CPHXL2: variants seen among roughly 807,000 people sequenced by gnomAD.
CPHXL2 encodes cytoplasmic polyadenylated homeobox-like protein 2.
chr16:75,676,928 T>G, the CPHXL2 span: 1 of 398,550 alleles, frequency 2.5e-6, no homozygotes, highest in Non-Finnish European at 4.4e-6. Context: ...AACCCTCATT[T>G]TCATGGAAAC....
At chr16:75,669,540 C>G in the CPHXL2 span, 1 of 398,538 alleles carries the variant, frequency 2.5e-6, no homozygotes, top group Admixed American at 4.4e-5. Flanking sequence ...TATGATGATC[C>G]TCTTCAGCTG....
At chr16:75,671,159 G>T in the CPHXL2 span, among the ~76,000 whole-genome samples, 1 of 152,184 alleles carries the variant, frequency 6.6e-6, no homozygotes, top group Non-Finnish European at 1.5e-5. Context: ...GAAGCCAGCA[G>T]ATAACTTGAG....
At chr16:75,671,566 CTA>C in the CPHXL2 span, among the ~76,000 whole-genome samples, 1 of 152,216 alleles carries the variant, frequency 6.6e-6, no homozygotes, top group South Asian at 2.1e-4. Flanking sequence ...GGCTTTTAGT[CTA>C]TCTTATTTAC....
the CPHXL2 span, among the ~76,000 whole-genome samples, chr16:75,664,957 G>C: frequency 6.6e-6 from 1 of 152,070 alleles, no homozygotes; most frequent in African/African-American, 2.4e-5. Context: ...CTAACTATAA[G>C]AAATAAATGT....
the CPHXL2 span, among the ~76,000 whole-genome samples, chr16:75,666,587 A>G: frequency 2.7e-5 from 4 of 147,350 alleles, no homozygotes; most frequent in Admixed American, 6.8e-5. Flanking sequence ...CAGCCTGGGC[A>G]ACAAGAGTGA....
the CPHXL2 span, among the ~76,000 whole-genome samples, chr16:75,666,681 A>G: frequency 1.3e-5 from 2 of 152,112 alleles, no homozygotes; most frequent in Non-Finnish European, 2.9e-5. Flanking sequence ...TCATCAAGAC[A>G]AAGTCAACAA....
the CPHXL2 span, among the ~76,000 whole-genome samples, chr16:75,668,737 C>T: frequency 6.6e-6 from 1 of 152,158 alleles, no homozygotes; most frequent in East Asian, 1.9e-4. Flanking sequence ...AGTTCTTATT[C>T]TGTATTGTTT....
At chr16:75,660,830 A>C in the CPHXL2 span, 1 of 398,522 alleles carries the variant, frequency 2.5e-6, no homozygotes. Context: ...TAGAATGCTC[A>C]CTTCCTGTGT....
the CPHXL2 span, among the ~76,000 whole-genome samples, chr16:75,666,158 A>T: frequency 2.0e-5 from 3 of 152,184 alleles, no homozygotes; most frequent in Non-Finnish European, 4.4e-5. Flanking sequence ...ACAAACTTTA[A>T]AGCAACAGCA....
chr16:75,671,810 G>A, the CPHXL2 span, among the ~76,000 whole-genome samples: 3 of 152,188 alleles, frequency 2.0e-5, no homozygotes, highest in Non-Finnish European at 4.4e-5. Context: ...CACTACGAAT[G>A]GAGTACAAAG....
At chr16:75,676,358 C>CT in the CPHXL2 span, among the ~76,000 whole-genome samples, 1 of 152,170 alleles carries the variant, frequency 6.6e-6, no homozygotes, top group Non-Finnish European at 1.5e-5. Context: ...AGGCCTCACT[C>CT]TGTCACCCAG....
At chr16:75,661,612 C>G in the CPHXL2 span, among the ~76,000 whole-genome samples, 1 of 151,972 alleles carries the variant, frequency 6.6e-6, no homozygotes, top group Non-Finnish European at 1.5e-5. Flanking sequence ...AGGCTCCCAG[C>G]TGTCCCACCT....
At chr16:75,662,796 C>CTTT in the CPHXL2 span, among the ~76,000 whole-genome samples, 32 of 123,140 alleles carry the variant, frequency 2.6e-4, no homozygotes, top group Non-Finnish European at 3.0e-4. Context: ...GGAGATAATT[C>CTTT]TTTTTTTTTT....
chr16:75,665,128 C>G, the CPHXL2 span, among the ~76,000 whole-genome samples: 1 of 152,116 alleles, frequency 6.6e-6, no homozygotes, highest in Non-Finnish European at 1.5e-5. Flanking sequence ...ATCACAAGCT[C>G]AAAGAACATC....
the CPHXL2 span, among the ~76,000 whole-genome samples, chr16:75,664,289 T>C: frequency 2.0e-5 from 3 of 152,184 alleles, no homozygotes; most frequent in Non-Finnish European, 4.4e-5. Flanking sequence ...GACAAAACTT[T>C]CTAAATTGAT....
At chr16:75,662,357 G>T in the CPHXL2 span, among the ~76,000 whole-genome samples, 21 of 143,552 alleles carry the variant, frequency 1.5e-4, no homozygotes, top group Middle Eastern at 0.011. Flanking sequence ...TTTTTTAACG[G>T]AGGCTTCATT....
chr16:75,661,285 A>G, the CPHXL2 span: 2 of 400,460 alleles, frequency 5.0e-6, no homozygotes, highest in East Asian at 7.1e-5. Flanking sequence ...TATCAAATCT[A>G]CTTCTCTGAT....
At chr16:75,663,746 C>T in the CPHXL2 span, among the ~76,000 whole-genome samples, 300 of 152,002 alleles carry the variant, frequency 2.0e-3, 1 homozygote, top group Non-Finnish European at 3.2e-3. Context: ...ATTAGCCGGG[C>T]ATGGTGGCGG....
At chr16:75,672,059 G>A in the CPHXL2 span, among the ~76,000 whole-genome samples, 1 of 151,326 alleles carries the variant, frequency 6.6e-6, no homozygotes, top group East Asian at 1.9e-4. Context: ...ATGACTTGAG[G>A]TCAAGAGTTC....
Sources: gnomAD v4.1 joint callset for allele counts (sites outside exome capture counted in the v4.1 genomes callset) on GRCh38, gnomAD v4.1.1 for gene constraint, MANE v1.5 for transcripts, NCBI Gene and HGNC (gene_info 2026-07-23, HGNC 2026-07-21) for gene names.